Variants in SVOPL observed in about 807,000 individuals in gnomAD.
SVOPL encodes SVOP like.
In SVOPL, 60 loss-of-function variants were observed where a neutral mutation model predicts 61.0. The ratio of observed to expected loss-of-function variants is 0.98; its 90% CI spans 0.80 to 1.22. The LOEUF (loss-of-function observed/expected upper bound fraction) is 1.22. Ranked by LOEUF, SVOPL falls within the 50% of genes most tolerant of loss-of-function variation. SVOPL has a pLI of 0.00. For missense variants in SVOPL, 662 were observed against 643.9 expected, an observed-to-expected ratio of 1.03 and a Z score of -0.30; for synonymous variants, 279 against 250.0, an observed-to-expected ratio of 1.12 and a Z score of -1.09.
At chr7:138,655,918 T>C (rs1201571090) in intron 7 of SVOPL, among the ~76,000 whole-genome samples, 3 of 152,194 alleles carry the variant, frequency 2.0e-5, no homozygotes, top group African/African-American at 4.8e-5. Flanking sequence ...TTTGGGAGAA[T>C]TGACTGCAAT....
At chr7:138,673,398 T>C (rs572974732) in intron 3 of SVOPL, among the ~76,000 whole-genome samples, 1 of 152,346 alleles carries the variant, frequency 6.6e-6, no homozygotes, top group Admixed American at 6.5e-5. Context: ...GACTAATGTC[T>C]GTAATCTGAG....
chr7:138,673,520 G>A (rs1003554102), intron 3 of SVOPL, among the ~76,000 whole-genome samples: 2 of 151,882 alleles, frequency 1.3e-5, no homozygotes, highest in Non-Finnish European at 2.9e-5. Context: ...AGTGGGACAC[G>A]GTACTGCACG....
rs10272012 is a variant in SVOPL at position 138,656,603 on chromosome 7, G to C, written c.471-92C>G. On this transcript the variant is annotated intron_variant, in intron 6 of 15. Coordinates refer to ENST00000674285, the MANE Select transcript of SVOPL (RefSeq NM_001139456.2). Reference sequence around the variant, plus strand: ...CAGTTTTTCTTGTCACAGGGATAAAGAATTCAAAAGCATAGAAGTTGATTA... The same window carrying C: ...CAGTTTTTCTTGTCACAGGGATAAACAATTCAAAAGCATAGAAGTTGATTA... 7,132 of 1,326,600 alleles carry C rather than the reference G, an allele frequency of 5.4e-3. 288 individuals are homozygous for C. In the African/African-American group the frequency reaches 0.089, roughly 17 times the overall value. The allele number at this position is 1,326,600 out of a possible 1,614,324, so 82.2% of individuals were successfully genotyped here.
intron 14 of SVOPL, among the ~76,000 whole-genome samples, chr7:138,616,975 T>C (rs775749409): frequency 3.9e-5 from 6 of 152,142 alleles, no homozygotes; most frequent in Non-Finnish European, 7.3e-5. Flanking sequence ...AATTAATTTA[T>C]TTATTTATTC....
rs192656978 is a variant in SVOPL at position 138,677,053 on chromosome 7, G to A, written c.174+1381C>T. On this transcript the variant is annotated intron_variant, in intron 3 of 15. Coordinates refer to ENST00000674285, the MANE Select transcript of SVOPL (RefSeq NM_001139456.2). ...CGAGTAGCTGGGACTACAGGCGCCC[G>A]CCACCATGCCCGTCTCATTTTTTTG... Among the ~76,000 whole-genome samples the A allele has an allele frequency of 3.3e-3, 498 of 152,084 alleles. 4 individuals carry two copies. Among genetic ancestry groups the A allele is most frequent in the African/African-American group, 0.011 (459 of 41,490 alleles).
intron 12 of SVOPL, among the ~76,000 whole-genome samples, chr7:138,626,656 G>T (rs1799905821): frequency 6.6e-6 from 1 of 152,080 alleles, no homozygotes; most frequent in South Asian, 2.1e-4. Flanking sequence ...GCCTCCCAAA[G>T]TTCTGGGATT....
At chr7:138,656,904 T>C (rs1801766229) in intron 6 of SVOPL, among the ~76,000 whole-genome samples, 1 of 152,000 alleles carries the variant, frequency 6.6e-6, no homozygotes, top group Non-Finnish European at 1.5e-5. Flanking sequence ...TAGCTGGGTG[T>C]GGTGGCGCAT....
At chr7:138,624,985 G>A (rs1799829870) in intron 13 of SVOPL, 2 of 152,102 alleles carry the variant, frequency 1.3e-5, no homozygotes, top group Non-Finnish European at 2.9e-5. Flanking sequence ...GCAGGCATGA[G>A]CCACTGCGCC....
At chr7:138,625,694 C>T (rs1288125599) in intron 13 of SVOPL, among the ~76,000 whole-genome samples, 1 of 152,178 alleles carries the variant, frequency 6.6e-6, no homozygotes, top group Non-Finnish European at 1.5e-5. Flanking sequence ...CTACCTATTA[C>T]TTCTGGAAGC....
intron 14 of SVOPL, among the ~76,000 whole-genome samples, chr7:138,609,289 C>A (rs1482176437): frequency 6.6e-6 from 1 of 151,948 alleles, no homozygotes; most frequent in East Asian, 1.9e-4. Context: ...GCGAGCAGAC[C>A]CCTTCACCTA....
chr7:138,688,583 T>C (rs1355102704), intron 1 of SVOPL, among the ~76,000 whole-genome samples: 1 of 152,174 alleles, frequency 6.6e-6, no homozygotes, highest in Non-Finnish European at 1.5e-5. Context: ...TCCCTAAAAT[T>C]AAAAAGGTAG....
chr7:138,675,159 G>C (rs112001221), intron 3 of SVOPL, among the ~76,000 whole-genome samples: 3,699 of 151,746 alleles, frequency 0.024, 107 homozygotes, highest in East Asian at 0.1. Context: ...CCAGCACTTT[G>C]GGAGGCCGAG....
At chr7:138,672,657 A>C (rs374295250) in intron 3 of SVOPL, among the ~76,000 whole-genome samples, 1 of 79,330 alleles carries the variant, frequency 1.3e-5, no homozygotes, top group East Asian at 4.6e-4. Flanking sequence ...TTTTGTGTTT[A>C]AAAAAAAAAA....
At chr7:138,697,708 TA>T (rs1427455189) in intron 1 of SVOPL, among the ~76,000 whole-genome samples, 2 of 99,574 alleles carry the variant, frequency 2.0e-5, no homozygotes, top group Admixed American at 2.5e-4. Context: ...GGAAGAAGGA[TA>T]AGAAGAGGAA....
At chr7:138,680,918 T>C (rs920112432) in intron 1 of SVOPL, among the ~76,000 whole-genome samples, 3 of 152,034 alleles carry the variant, frequency 2.0e-5, no homozygotes, top group Non-Finnish European at 4.4e-5. Context: ...AGTAACTTAA[T>C]TGTATATTCC....
At chr7:138,623,245 A>T (rs1799747490) in intron 13 of SVOPL, among the ~76,000 whole-genome samples, 1 of 152,186 alleles carries the variant, frequency 6.6e-6, no homozygotes, top group African/African-American at 2.4e-5. Flanking sequence ...AGTCATCTGG[A>T]AGATGGAATA....
chr7:138,669,355 C>A (rs1802358015), intron 4 of SVOPL, among the ~76,000 whole-genome samples: 1 of 152,128 alleles, frequency 6.6e-6, no homozygotes, highest in Non-Finnish European at 1.5e-5. Context: ...CTGCGGTGAG[C>A]TATGATCGCA....
In SVOPL at chr7:138,599,153, A is replaced by AC. The variant is rs1563078157; in HGVS notation, c.1354-2624_1354-2623insG. Among the ~76,000 whole-genome samples the AC allele has an allele frequency of 1.3e-4, 8 of 61,336 alleles. 2 individuals are homozygous for AC. The highest frequency in any genetic ancestry group is 6.0e-4 in the African/African-American group (4 of 6,656). 40.2% of individuals were successfully genotyped at this position (61,336 alleles called of 152,430 possible). ...TGAGATCCGTCTCCAAAAAAAAAAA[A>AC]AAAACCAAAAAAAAAAGAAATACAG... On this transcript the variant is annotated intron_variant, in intron 14 of 15. Coordinates refer to ENST00000674285, the MANE Select transcript of SVOPL (RefSeq NM_001139456.2).
chr7:138,665,224 T>A (rs1802217689), intron 4 of SVOPL, among the ~76,000 whole-genome samples: 1 of 145,926 alleles, frequency 6.9e-6, no homozygotes, highest in African/African-American at 2.6e-5. Flanking sequence ...TTCTTCAGCA[T>A]GACTCTCACA....
Sources: allele counts gnomAD v4.1 joint callset (sites outside exome capture counted in the v4.1 genomes callset), GRCh38; gene constraint gnomAD v4.1.1; transcripts MANE v1.5; gene names NCBI Gene and HGNC (gene_info 2026-07-23, HGNC 2026-07-21).